DHRS12: variants seen among roughly 807,000 people sequenced by gnomAD.
DHRS12 encodes the protein dehydrogenase/reductase SDR family member 12.
In DHRS12, 29 loss-of-function variants were observed where a neutral mutation model predicts 32.1. That is an observed-to-expected ratio of 0.90 (90% CI 0.67 to 1.23). The LOEUF (loss-of-function observed/expected upper bound fraction) is 1.23. DHRS12 is among the 50% of genes most tolerant of loss of function. The probability of loss-of-function intolerance (pLI) is 0.00; values close to 1 mark genes in which losing one functional copy is unlikely to be tolerated. For missense variants in DHRS12, 330 were observed against 337.2 expected, an observed-to-expected ratio of 0.98 and a Z score of 0.17; for synonymous variants, 150 against 135.9, an observed-to-expected ratio of 1.10 and a Z score of -0.72.
At chr13:51,785,971 AG>A (rs1954936119) in intron 4 of DHRS12, among the ~76,000 whole-genome samples, 1 of 152,248 alleles carries the variant, frequency 6.6e-6, no homozygotes, top group Non-Finnish European at 1.5e-5. Context: ...CCTTCAGTGC[AG>A]CCTGCAGCAC....
At chr13:51,800,216 T>C (rs1189840251) in intron 1 of DHRS12, among the ~76,000 whole-genome samples, 1 of 152,200 alleles carries the variant, frequency 6.6e-6, no homozygotes, top group African/African-American at 2.4e-5. Context: ...GGGAGTGCCA[T>C]TCGGATCAGA....
chr13:51,764,022 T>A (rs1422815514), downstream of DHRS12: 3 of 152,230 alleles, frequency 2.0e-5, no homozygotes, highest in Admixed American at 1.3e-4. Context: ...ATTTTACCAA[T>A]ACATTCTTAT....
At chr13:51,798,873 A>G (rs1955628209) in intron 2 of DHRS12, among the ~76,000 whole-genome samples, 1 of 152,216 alleles carries the variant, frequency 6.6e-6, no homozygotes, top group Non-Finnish European at 1.5e-5. Flanking sequence ...CCATTTGGTG[A>G]CCCAGGATCG....
chr13:51,758,907 G>A, the DHRS12 span, among the ~76,000 whole-genome samples: 2 of 152,164 alleles, frequency 1.3e-5, no homozygotes, highest in Non-Finnish European at 2.9e-5. Flanking sequence ...TCTGGGGCTG[G>A]GTGTGTTGAC....
intron 7 of DHRS12, among the ~76,000 whole-genome samples, chr13:51,770,332 G>C (rs1158677664): frequency 6.6e-6 from 1 of 152,184 alleles, no homozygotes; most frequent in Non-Finnish European, 1.5e-5. Flanking sequence ...CCTGAGAGCT[G>C]CTCTGTAACC....
At chr13:51,768,681 G>T in intron 8 of DHRS12, 3 of 1,129,042 alleles carry the variant, frequency 2.7e-6, no homozygotes, top group Non-Finnish European at 3.3e-6. Context: ...GAGGTCAAGT[G>T]CTGTCTTCGG....
chr13:51,774,535 AT>A (rs1566279530), intron 5 of DHRS12: 4 of 24,070 alleles, frequency 1.7e-4, no homozygotes, highest in African/African-American at 2.5e-4. Flanking sequence ...ATTCTCCTAC[AT>A]GTATTCTACA....
At chr13:51,783,850 A>G (rs1238904436) in intron 4 of DHRS12, among the ~76,000 whole-genome samples, 1 of 152,188 alleles carries the variant, frequency 6.6e-6, no homozygotes, top group East Asian at 1.9e-4. Flanking sequence ...TTATTGCTGA[A>G]TTGCATTCCA....
At chr13:51,766,040 A>G (rs528838732), downstream of DHRS12, 64 of 152,360 alleles carry the variant, frequency 4.2e-4, no homozygotes, top group African/African-American at 1.5e-3. Context: ...AAATGATTTG[A>G]AAAATGTTTC....
At position 51,774,037 on chromosome 13, in the gene DHRS12, G is replaced by C; in HGVS notation, c.364-3C>G. 7 of 1,612,876 alleles carry C rather than the reference G, an allele frequency of 4.3e-6. No individual in the cohort carries two copies. The highest frequency in any genetic ancestry group is 5.9e-6 in the Non-Finnish European group (7 of 1,179,040). On this transcript the variant is annotated splice_polypyrimidine_tract_variant and splice_region_variant and intron_variant, in intron 5 of 8. Coordinates refer to ENST00000444610, the MANE Select transcript of DHRS12 (RefSeq NM_001377533.1). Reference sequence around the variant, plus strand: ...ATTCCTCCTGAGGAGACGGTTATCTGCAATAAAGGTAACAGAGATTTACAA... The same window carrying C: ...ATTCCTCCTGAGGAGACGGTTATCTCCAATAAAGGTAACAGAGATTTACAA...
intron 1 of DHRS12, 35 bp downstream of exon 1, chr13:51,804,018 CA>C: frequency 6.9e-7 from 1 of 1,451,526 alleles, no homozygotes. Flanking sequence ...GGCCACGTGA[CA>C]GCCCGGGGCC....
chr13:51,764,019 C>T (rs1267114265), downstream of DHRS12: 2 of 152,144 alleles, frequency 1.3e-5, no homozygotes, highest in Non-Finnish European at 2.9e-5. Flanking sequence ...AGCATTTTAC[C>T]AATACATTCT....
chr13:51,761,928 A>G, the DHRS12 span: 1 of 152,144 alleles, frequency 6.6e-6, no homozygotes, highest in Non-Finnish European at 1.5e-5. Context: ...GGTCCAGACT[A>G]CCCTTGCTTG....
chr13:51,759,660 T>C, the DHRS12 span: 1 of 1,403,892 alleles, frequency 7.1e-7, no homozygotes, highest in Non-Finnish European at 1.0e-6. Flanking sequence ...GAAAAAAATT[T>C]CCTTGAAGAA....
chr13:51,778,320 T>C (rs897791444), intron 4 of DHRS12, among the ~76,000 whole-genome samples: 1 of 152,230 alleles, frequency 6.6e-6, no homozygotes, highest in Non-Finnish European at 1.5e-5. Context: ...TGCTGTATTA[T>C]CATTTGTGAT....
In DHRS12 at chr13:51,773,921, C is replaced by T; in HGVS notation, c.468+9G>A. ...TAAAATGCAGTCTCAGGAAACCCAC[C>T]TCACTGACCTTGTTTTGTGCATAGA... On this transcript the variant is annotated intron_variant, in intron 6 of 8. Coordinates refer to ENST00000444610, the MANE Select transcript of DHRS12 (RefSeq NM_001377533.1). 6.2e-7 allele frequency: 1 copy of T among 1,613,180 alleles called. No individual in the cohort carries two copies. The highest frequency in any genetic ancestry group is 8.5e-7 in the Non-Finnish European group (1 of 1,179,176).
chr13:51,792,444 G>A (rs556492954), intron 2 of DHRS12, among the ~76,000 whole-genome samples: 27 of 152,160 alleles, frequency 1.8e-4, no homozygotes, highest in Non-Finnish European at 2.8e-4. Context: ...CTGTCGCCCA[G>A]GCTAGAGTGC....
chr13:51,791,789 T>C (rs1010032931), intron 2 of DHRS12, among the ~76,000 whole-genome samples: 3 of 152,198 alleles, frequency 2.0e-5, no homozygotes, highest in African/African-American at 7.2e-5. Context: ...ACAACCACCA[T>C]TCCACTCTTT....
intron 4 of DHRS12, among the ~76,000 whole-genome samples, chr13:51,784,374 T>G (rs1954857238): frequency 6.6e-6 from 1 of 152,122 alleles, no homozygotes; most frequent in African/African-American, 2.4e-5. Flanking sequence ...TAGGGGACAT[T>G]CCAGGCAGGG....
Sources: allele counts gnomAD v4.1 joint callset (sites outside exome capture counted in the v4.1 genomes callset), GRCh38; gene constraint gnomAD v4.1.1; transcripts MANE v1.5; gene names NCBI Gene and HGNC (gene_info 2026-07-23, HGNC 2026-07-21).